The following TTC39C variants were observed in gnomAD, a reference collection of about 807,000 sequenced individuals.
TTC39C encodes the protein tetratricopeptide repeat protein 39C.
TTC39C carries 33 observed loss-of-function variants against 76.3 expected under a neutral mutation model. The ratio of observed to expected loss-of-function variants is 0.43; its 90% CI spans 0.33 to 0.58. TTC39C has a LOEUF of 0.58. Among genes scored for constraint, TTC39C ranks in the 20% least tolerant of loss-of-function variants. The pLI is 0.04. For missense variants in TTC39C, 595 were observed against 701.4 expected, an observed-to-expected ratio of 0.85 and a Z score of 1.71; for synonymous variants, 254 against 260.6, an observed-to-expected ratio of 0.97 and a Z score of 0.24.
At chr18:24,102,832 G>A (rs1440416615) in intron 6 of TTC39C, among the ~76,000 whole-genome samples, 1 of 152,206 alleles carries the variant, frequency 6.6e-6, no homozygotes, top group Non-Finnish European at 1.5e-5. Context: ...ACCTAGGCCG[G>A]TGTGCTGGCT....
chr18:24,001,823 G>GTTTTTTTT lies in TTC39C; in HGVS notation c.-17+8798_-17+8805dup, dbSNP rs750295981. On this transcript the variant is annotated intron_variant, in intron 1 of 13. Transcript: ENST00000304621. ...GGAGGGTGAGGTGTACGGTAATTCT[G>GTTTTTTTT]TTTTTTTTTTTTTTTTTTTTGAGAC... Among the ~76,000 whole-genome samples, 130 of 57,468 alleles carry GTTTTTTTT rather than the reference G, an allele frequency of 2.3e-3. 11 individuals are homozygous for GTTTTTTTT. Among genetic ancestry groups the GTTTTTTTT allele is most frequent in the South Asian group, 0.019 (41 of 2,210 alleles). The allele number at this position is 57,468 out of a possible 152,430, so 37.7% of individuals were successfully genotyped here. A position where few individuals can be genotyped will look rare whatever the true frequency, so the allele number is the denominator to read the frequency against.
intron 1 of TTC39C, among the ~76,000 whole-genome samples, chr18:24,017,267 G>A (rs530932933): frequency 2.4e-4 from 36 of 152,276 alleles, no homozygotes; most frequent in African/African-American, 6.7e-4. Flanking sequence ...TGGAAAGCAC[G>A]GTTGCATACA....
At chr18:24,001,832 T>TTTTTTGG (rs1555763435) in intron 1 of TTC39C, among the ~76,000 whole-genome samples, 1,937 of 134,198 alleles carry the variant, frequency 0.014, 29 homozygotes, top group African/African-American at 0.023. Flanking sequence ...TGTTTTTTTT[T>TTTTTTGG]TTTTTTTTTT....
intron 1 of TTC39C, among the ~76,000 whole-genome samples, chr18:24,045,915 A>ATG (rs2083870295): frequency 9.9e-5 from 2 of 20,272 alleles, no homozygotes; most frequent in African/African-American, 2.1e-4. Context: ...ATATATATAT[A>ATG]TATATATATA....
intron 10 of TTC39C, among the ~76,000 whole-genome samples, chr18:24,126,628 G>T (rs1447174521): frequency 6.6e-6 from 1 of 151,482 alleles, no homozygotes; most frequent in African/African-American, 2.4e-5. Flanking sequence ...GTTAAATTCT[G>T]CTATGTTCTT....
intron 1 of TTC39C, among the ~76,000 whole-genome samples, chr18:24,019,455 A>G (rs2083493277): frequency 6.6e-6 from 1 of 152,220 alleles, no homozygotes; most frequent in Admixed American, 6.5e-5. Context: ...TAAACTATAA[A>G]ATGGCGAAAA....
intron 1 of TTC39C, among the ~76,000 whole-genome samples, chr18:24,023,466 G>A (rs2083540119): frequency 6.6e-6 from 1 of 152,174 alleles, no homozygotes; most frequent in Admixed American, 6.5e-5. Context: ...ACAGGTGTCA[G>A]CTGCACCTGG....
intron 1 of TTC39C, among the ~76,000 whole-genome samples, chr18:24,061,593 T>TAA (rs35502981): frequency 0.42 from 39,849 of 95,458 alleles, 9,696 homozygotes; most frequent in Non-Finnish European, 0.53. Flanking sequence ...TTGAAATAAG[T>TAA]AAAAAAAAAA....
intron 8 of TTC39C, among the ~76,000 whole-genome samples, chr18:24,119,842 C>T (rs2084942259): frequency 1.3e-5 from 2 of 152,180 alleles, no homozygotes; most frequent in African/African-American, 2.4e-5. Flanking sequence ...CTGCACACAA[C>T]TCCGCAGCCA....
At chr18:24,052,823 G>A (rs970669963) in intron 1 of TTC39C, among the ~76,000 whole-genome samples, 11 of 152,308 alleles carry the variant, frequency 7.2e-5, no homozygotes, top group African/African-American at 2.2e-4. Flanking sequence ...AAGATGTGGC[G>A]CAGTGGAGTG....
rs981661878 is a variant in TTC39C at position 24,113,863 on chromosome 18, G to A, written c.985-691G>A. 12 of 596,836 alleles carry A rather than the reference G, an allele frequency of 2.0e-5. No homozygotes were observed. In the African/African-American group the frequency reaches 2.2e-4, roughly 11 times the overall value. The allele number at this position is 596,836 out of a possible 1,614,324, so 37.0% of individuals were successfully genotyped here. A position where few individuals can be genotyped will look rare whatever the true frequency, so the allele number is the denominator to read the frequency against. ...ACATTTGAGAGTTTGCTGGGTCCCAGACAGTGTTATGTGAATGAAAGTGTT... is the reference window on the plus strand; with the variant it reads ...ACATTTGAGAGTTTGCTGGGTCCCAAACAGTGTTATGTGAATGAAAGTGTT... On this transcript the variant is annotated intron_variant, in intron 6 of 13. Coordinates refer to ENST00000317571, the MANE Select transcript of TTC39C (RefSeq NM_001135993.2).
At chr18:24,115,228 A>G (rs2084876014) in intron 7 of TTC39C, among the ~76,000 whole-genome samples, 1 of 152,186 alleles carries the variant, frequency 6.6e-6, no homozygotes, top group South Asian at 2.1e-4. Context: ...ACAGTCACCA[A>G]CAAACCTGGA....
At chr18:24,049,673 T>C (rs2083925312) in intron 1 of TTC39C, among the ~76,000 whole-genome samples, 1 of 152,146 alleles carries the variant, frequency 6.6e-6, no homozygotes, top group Non-Finnish European at 1.5e-5. Flanking sequence ...GGACCTAGGC[T>C]AGAGGCCGAG....
rs1225998032 is a variant in TTC39C at position 24,069,338 on chromosome 18, T to A, written c.460+67T>A. The A allele has an allele frequency of 7.6e-6, 10 of 1,321,828 alleles. No homozygotes were observed. The Admixed American group carries it at 1.8e-4, about 23-fold the overall frequency. The allele number at this position is 1,321,828 out of a possible 1,614,324, so 81.9% of individuals were successfully genotyped here. A position where few individuals can be genotyped will look rare whatever the true frequency, so the allele number is the denominator to read the frequency against. Reference sequence around the variant, plus strand: ...GCACACAATTAGTAATATGCTTTTTTAAGAATGCCTTATATTTCAGTCTTT... The same window carrying A: ...GCACACAATTAGTAATATGCTTTTTAAAGAATGCCTTATATTTCAGTCTTT... On this transcript the variant is annotated intron_variant, in intron 4 of 13. Transcript: ENST00000317571.
chr18:24,046,027 C>T lies in TTC39C; in HGVS notation c.168-18113C>T, dbSNP rs1167290312. On this transcript the variant is annotated intron_variant, in intron 1 of 13. Transcript: ENST00000317571. ...AATCTCTGCTCACTGCAAGCTCCGC[C>T]TCCTGGGTTCACGCCATTCTCCTGT... Among the ~76,000 whole-genome samples, 3 of 146,418 alleles carry T rather than the reference C, an allele frequency of 2.0e-5. No homozygotes were observed. In the Admixed American group the frequency reaches 2.1e-4, roughly 10 times the overall value.
intron 1 of TTC39C, among the ~76,000 whole-genome samples, chr18:24,004,497 C>G (rs771796841): frequency 1.3e-5 from 2 of 152,164 alleles, no homozygotes; most frequent in Non-Finnish European, 2.9e-5. Context: ...TAAGTGATTT[C>G]TTAGTGTCCA....
At position 24,125,398 on chromosome 18, in the gene TTC39C, T is replaced by C. The variant is rs767336522; in HGVS notation, c.1297-29T>C. ...TTTATTTGAATTTGTTTTTGAAAAA[T>C]GTAGCCTGTTTATTCTGACTCCTTG... On this transcript the variant is annotated intron_variant, in intron 9 of 13. Transcript: ENST00000317571. 2.9e-5 allele frequency: 46 copies of C among 1,613,026 alleles called. No homozygotes were observed. The Middle Eastern group carries it at 8.2e-4, about 29-fold the overall frequency.
At chr18:24,022,407 G>A (rs2083527884) in intron 1 of TTC39C, among the ~76,000 whole-genome samples, 1 of 152,156 alleles carries the variant, frequency 6.6e-6, no homozygotes. Flanking sequence ...TAGACAGAGG[G>A]AGGAGGAAGA....
At chr18:24,109,297 CCAGCCTGG>C (rs1351687075) in intron 6 of TTC39C, among the ~76,000 whole-genome samples, 1 of 151,628 alleles carries the variant, frequency 6.6e-6, no homozygotes, top group Admixed American at 6.6e-5. Context: ...TCAAGGCATT[CCAGCCTGG>C]GTGACAGAGC....
Sources: gnomAD v4.1 joint callset for allele counts (sites outside exome capture counted in the v4.1 genomes callset) on GRCh38, gnomAD v4.1.1 for gene constraint, MANE v1.5 for transcripts, NCBI Gene and HGNC (gene_info 2026-07-23, HGNC 2026-07-21) for gene names.